The following RAP1GDS1 variants were observed in gnomAD, a reference collection of about 807,000 sequenced individuals.
RAP1GDS1 encodes the protein RAP1, GTP-GDP dissociation stimulator 1.
In RAP1GDS1, 35 loss-of-function variants were observed where a neutral mutation model predicts 71.1. That is an observed-to-expected ratio of 0.49 (90% CI 0.38 to 0.65). The LOEUF (loss-of-function observed/expected upper bound fraction) is 0.65. RAP1GDS1 is among the 30% of genes least tolerant of loss of function. The pLI is 0.00. For synonymous variants in RAP1GDS1, 229 were observed against 243.1 expected (o/e 0.94, Z 0.54); for missense variants, 663 against 706.1 (o/e 0.94, Z 0.69).
chr4:98,365,311 G>A (rs1739316234), intron 4 of RAP1GDS1, among the ~76,000 whole-genome samples: 2 of 151,842 alleles, frequency 1.3e-5, no homozygotes, highest in African/African-American at 4.8e-5. Flanking sequence ...CACACAAGGT[G>A]TATAAAGAAA....
chr4:98,264,559 A>G (rs1722471066), intron 1 of RAP1GDS1, among the ~76,000 whole-genome samples: 1 of 152,236 alleles, frequency 6.6e-6, no homozygotes, highest in Admixed American at 6.5e-5. Flanking sequence ...TGTGCAGTGT[A>G]CTGTACTACA....
At chr4:98,324,338 G>A (rs796302310) in intron 2 of RAP1GDS1, among the ~76,000 whole-genome samples, 42 of 152,188 alleles carry the variant, frequency 2.8e-4, no homozygotes, top group South Asian at 1.0e-3. Flanking sequence ...GAAAATGGCC[G>A]TACTACCCAA....
intron 3 of RAP1GDS1, among the ~76,000 whole-genome samples, chr4:98,351,717 T>G (rs1005657032): frequency 1.4e-4 from 22 of 152,124 alleles, no homozygotes; most frequent in African/African-American, 5.3e-4. Context: ...AAAAAAAGTT[T>G]ATGTCCAATC....
At chr4:98,279,247 AAAAT>A (rs1724696679) in intron 1 of RAP1GDS1, among the ~76,000 whole-genome samples, 2 of 150,976 alleles carry the variant, frequency 1.3e-5, no homozygotes, top group Admixed American at 6.6e-5. Flanking sequence ...CAAACAAACA[AAAAT>A]AATAATAATA....
intron 6 of RAP1GDS1, among the ~76,000 whole-genome samples, chr4:98,397,443 C>G (rs1035222532): frequency 6.6e-6 from 1 of 151,850 alleles, no homozygotes; most frequent in East Asian, 1.9e-4. Context: ...GACCAGCCTG[C>G]GTAACATAGT....
chr4:98,320,319 T>C (rs1257721957), intron 2 of RAP1GDS1, among the ~76,000 whole-genome samples: 1 of 152,222 alleles, frequency 6.6e-6, no homozygotes, highest in African/African-American at 2.4e-5. Flanking sequence ...TATGTTTCTC[T>C]TTTTAGATTA....
intron 2 of RAP1GDS1, among the ~76,000 whole-genome samples, chr4:98,311,513 A>G (rs1730218642): frequency 6.6e-6 from 1 of 152,190 alleles, no homozygotes; most frequent in Admixed American, 6.5e-5. Context: ...TTACATACCT[A>G]TGAAGGTCCC....
At chr4:98,355,589 C>T (rs1011365799) in intron 4 of RAP1GDS1, among the ~76,000 whole-genome samples, 4 of 152,212 alleles carry the variant, frequency 2.6e-5, no homozygotes, top group Admixed American at 2.6e-4. Context: ...CATACATGTT[C>T]TATAGATTTT....
At chr4:98,393,414 G>C (rs1744025600) in intron 6 of RAP1GDS1, among the ~76,000 whole-genome samples, 1 of 151,998 alleles carries the variant, frequency 6.6e-6, no homozygotes, top group South Asian at 2.1e-4. Context: ...ATTCATTCAA[G>C]TGAGACCAAG....
chr4:98,360,626 G>A (rs747745535), intron 4 of RAP1GDS1, among the ~76,000 whole-genome samples: 1 of 152,008 alleles, frequency 6.6e-6, no homozygotes, highest in Non-Finnish European at 1.5e-5. Flanking sequence ...CTTTTTAATA[G>A]GGTTTTGTTT....
chr4:98,348,534 A>G (rs1204468968), intron 3 of RAP1GDS1, among the ~76,000 whole-genome samples: 1 of 152,206 alleles, frequency 6.6e-6, no homozygotes, highest in Non-Finnish European at 1.5e-5. Flanking sequence ...TCCTTGAGGA[A>G]TCGCCACACT....
intron 7 of RAP1GDS1, among the ~76,000 whole-genome samples, chr4:98,412,167 T>G (rs1031331005): frequency 1.3e-5 from 2 of 152,120 alleles, no homozygotes; most frequent in African/African-American, 4.8e-5. Context: ...ATATACAGCT[T>G]AGGGAAACCA....
chr4:98,372,369 G>A (rs1740512803), intron 4 of RAP1GDS1, among the ~76,000 whole-genome samples: 1 of 152,128 alleles, frequency 6.6e-6, no homozygotes, highest in African/African-American at 2.4e-5. Flanking sequence ...GTTTCACCAT[G>A]TTGGCCAGGC....
At chr4:98,312,863 A>G (rs997232737) in intron 2 of RAP1GDS1, among the ~76,000 whole-genome samples, 4 of 151,706 alleles carry the variant, frequency 2.6e-5, no homozygotes, top group Admixed American at 2.6e-4. Context: ...AGGTCAGGAG[A>G]TCGAGACCAT....
intron 1 of RAP1GDS1, 61 bp downstream of exon 1, chr4:98,261,630 G>GCA: frequency 6.4e-7 from 1 of 1,556,242 alleles, no homozygotes; most frequent in South Asian, 1.1e-5. Flanking sequence ...GCGTGCTGCA[G>GCA]GGTGGGAAGC....
chr4:98,325,784 AG>A (rs1400890188), intron 2 of RAP1GDS1, among the ~76,000 whole-genome samples: 2 of 69,328 alleles, frequency 2.9e-5, no homozygotes, highest in South Asian at 6.6e-4. Flanking sequence ...GGGTGGGGGG[AG>A]GGGGGAGGGA....
At chr4:98,314,923 A>C (rs897750521) in intron 2 of RAP1GDS1, among the ~76,000 whole-genome samples, 1 of 152,174 alleles carries the variant, frequency 6.6e-6, no homozygotes, top group Non-Finnish European at 1.5e-5. Context: ...ATCTTGGATA[A>C]TACCAGTCAT....
chr4:98,336,691 A>C (rs1734758752), intron 2 of RAP1GDS1, among the ~76,000 whole-genome samples: 1 of 152,050 alleles, frequency 6.6e-6, no homozygotes, highest in Non-Finnish European at 1.5e-5. Flanking sequence ...TAGGGGAAGA[A>C]AGTGAAAGAA....
intron 12 of RAP1GDS1, among the ~76,000 whole-genome samples, chr4:98,425,760 C>G (rs562522478): frequency 2.8e-4 from 43 of 152,154 alleles, no homozygotes; most frequent in Non-Finnish European, 5.6e-4. Flanking sequence ...ACAAGATAGA[C>G]AGTAACACAA....
Sources: gnomAD v4.1 joint callset for allele counts (sites outside exome capture counted in the v4.1 genomes callset) on GRCh38, gnomAD v4.1.1 for gene constraint, MANE v1.5 for transcripts, NCBI Gene and HGNC (gene_info 2026-07-23, HGNC 2026-07-21) for gene names.